Variants in FAM227A observed in about 807,000 individuals in gnomAD.
The protein encoded by FAM227A is protein FAM227A.
Under a neutral mutation model 74.7 loss-of-function variants are expected in FAM227A, and 80 were observed. The observed-to-expected ratio is 1.07, with a 90% confidence interval of 0.89 to 1.29. The LOEUF is 1.29. Ranked by LOEUF, FAM227A falls within the 50% of genes most tolerant of loss-of-function variation. The pLI, the probability that FAM227A is intolerant of heterozygous loss-of-function variation, is 0.00. For synonymous variants in FAM227A, 237 were observed against 241.8 expected, an observed-to-expected ratio of 0.98 and a Z score of 0.19; for missense variants, 654 against 683.4, an observed-to-expected ratio of 0.96 and a Z score of 0.48.
At chr22:38,627,385 T>C (rs1693787045) in intron 8 of FAM227A, among the ~76,000 whole-genome samples, 1 of 151,724 alleles carries the variant, frequency 6.6e-6, no homozygotes, top group South Asian at 2.1e-4. Context: ...CTGGCCAACA[T>C]GGTGAAACCC....
chr22:38,619,137 G>T (rs528043878), intron 11 of FAM227A, among the ~76,000 whole-genome samples: 2 of 152,212 alleles, frequency 1.3e-5, no homozygotes, highest in South Asian at 4.1e-4. Context: ...CATACAGAAA[G>T]GGAGTGTGGT....
chr22:38,626,064 G>A, intron 9 of FAM227A, 116 bp downstream of exon 9: 1 of 1,073,448 alleles, frequency 9.3e-7, no homozygotes, highest in South Asian at 1.6e-5. Flanking sequence ...GTTAAGGAGA[G>A]AAAAGAGAGA....
chr22:38,645,713 G>T, intron 2 of FAM227A, 68 bp from the exon 3 acceptor site: 1 of 953,384 alleles, frequency 1.0e-6, no homozygotes, highest in South Asian at 1.5e-5. Context: ...GGGCTTGTCT[G>T]GTGAGAAGGG....
chr22:38,644,187 A>C (rs919229142), intron 3 of FAM227A, among the ~76,000 whole-genome samples: 1 of 152,000 alleles, frequency 6.6e-6, no homozygotes, highest in Non-Finnish European at 1.5e-5. Flanking sequence ...GGAAACTAAA[A>C]AGCATACTAA....
intron 16 of FAM227A, among the ~76,000 whole-genome samples, chr22:38,591,202 T>C: frequency 6.6e-6 from 1 of 152,114 alleles, no homozygotes; most frequent in East Asian, 1.9e-4. Flanking sequence ...CACACACCTG[T>C]GGTCCCAGCT....
chr22:38,608,845 G>A (rs2091348726), intron 11 of FAM227A, among the ~76,000 whole-genome samples: 1 of 144,638 alleles, frequency 6.9e-6, no homozygotes, highest in African/African-American at 2.6e-5. Context: ...ACTCAGGGTG[G>A]AGTACAATGG....
chr22:38,597,259 T>C lies in FAM227A; in HGVS notation c.1477A>G (p.Thr493Ala). 6.4e-7 allele frequency: 1 copy of C among 1,552,220 alleles called. No homozygotes were observed. Among genetic ancestry groups the C allele is most frequent in the East Asian group, 2.4e-5 (1 of 40,920 alleles). The change falls in exon 15 of 17, where the codon ACT (threonine) becomes GCT (alanine). Residue 493 changes from threonine to alanine, a missense_variant. Coordinates refer to ENST00000535113, the MANE Select transcript of FAM227A (RefSeq NM_001013647.2). ...TGCTTGTCAAAATAATTCCATTCAG[T>C]CCAATGATGCTGGTACAACTGATTG... The part of the protein sequence containing the change: ...NLNQLYQHHW[T>A]EWNYFDKHLK...
intron 1 of FAM227A, among the ~76,000 whole-genome samples, chr22:38,654,367 G>A (rs564508629): frequency 6.6e-6 from 1 of 151,634 alleles, no homozygotes; most frequent in Non-Finnish European, 1.5e-5. Context: ...GAAAAAATGG[G>A]GAGCGGAAAT....
At chr22:38,626,405 T>C in intron 8 of FAM227A, 102 bp from the exon 9 acceptor site, 1 of 1,361,498 alleles carries the variant, frequency 7.3e-7, no homozygotes, top group Non-Finnish European at 9.8e-7. Context: ...ATAGTTTTTG[T>C]TGTTGTTGTT....
At chr22:38,615,215 G>A (rs1220046749) in intron 11 of FAM227A, among the ~76,000 whole-genome samples, 8 of 152,200 alleles carry the variant, frequency 5.3e-5, no homozygotes, top group African/African-American at 1.9e-4. Context: ...TAGAGATGGG[G>A]TTTCACCATG....
chr22:38,644,460 C>T (rs1177768022), intron 3 of FAM227A, among the ~76,000 whole-genome samples: 1 of 144,816 alleles, frequency 6.9e-6, no homozygotes, highest in Admixed American at 7.0e-5. Context: ...TGCTGTGTGA[C>T]ACTACAATGG....
chr22:38,638,037 A>C (rs985067736), intron 5 of FAM227A, among the ~76,000 whole-genome samples: 25 of 152,126 alleles, frequency 1.6e-4, no homozygotes. Flanking sequence ...GTGGTGGTGC[A>C]TGTCTTAATC....
chr22:38,591,272 T>A (rs2090927851), intron 16 of FAM227A, 163 bp downstream of exon 16: 1 of 1,309,946 alleles, frequency 7.6e-7, no homozygotes, highest in African/African-American at 1.5e-5. Flanking sequence ...TGCAGTGAGC[T>A]ATGATGGCAC....
At chr22:38,616,615 A>G (rs1386656119) in intron 11 of FAM227A, among the ~76,000 whole-genome samples, 1 of 151,906 alleles carries the variant, frequency 6.6e-6, no homozygotes, top group Non-Finnish European at 1.5e-5. Flanking sequence ...GCAGTGAGCC[A>G]AGATCATGCC....
At chr22:38,647,910 C>T (rs771817761) in intron 2 of FAM227A, among the ~76,000 whole-genome samples, 3 of 152,138 alleles carry the variant, frequency 2.0e-5, no homozygotes, top group Non-Finnish European at 4.4e-5. Context: ...TAGAAAGCAG[C>T]CCTGCAAAGT....
chr22:38,626,491 T>C (rs1169297635), intron 8 of FAM227A, among the ~76,000 whole-genome samples, 188 bp from the exon 9 acceptor site: 1 of 151,988 alleles, frequency 6.6e-6, no homozygotes. Context: ...CTAATCCACT[T>C]GCCTCAGCCT....
rs1254350528 is a variant in FAM227A, at chr22:38,584,305, G to C, written c.*1820C>G. ...GCAAATACCTAATCATCCCCCCCAA[G>C]TCCGTTTCTTCCTAGGAGAAAATGG... On this transcript the variant is annotated 3_prime_UTR_variant, in exon 17 of 17. Transcript: ENST00000535113. 6.6e-6 allele frequency: 1 copy of C among 152,038 alleles called. No homozygotes were observed. Among genetic ancestry groups the C allele is most frequent in the East Asian group, 1.9e-4 (1 of 5,200 alleles). The allele number at this position is 152,038 out of a possible 1,614,324, so 9.4% of individuals were successfully genotyped here. A position where few individuals can be genotyped will look rare whatever the true frequency, so the allele number is the denominator to read the frequency against.
intron 9 of FAM227A, among the ~76,000 whole-genome samples, chr22:38,625,021 C>G (rs2091766712): frequency 2.6e-5 from 4 of 151,982 alleles, no homozygotes. Context: ...AGGAACCTTC[C>G]TATAAATGGT....
Position 38,579,841 on chromosome 22 carries a change from T to C in FAM227A, c.*6284A>G, listed in dbSNP as rs994925131. 1 of 152,206 alleles carries C rather than the reference T, an allele frequency of 6.6e-6. No individual in the cohort carries two copies. The highest frequency in any genetic ancestry group is 1.5e-5 in the Non-Finnish European group (1 of 68,034). 9.4% of individuals were successfully genotyped at this position (152,206 alleles called of 1,614,324 possible). A position where few individuals can be genotyped will look rare whatever the true frequency, so the allele number is the denominator to read the frequency against. ...ATATATAAAATATTTAAGATTCAGA[T>C]ATCCATTTGTCTCATAAATGCCACA... On this transcript the variant is annotated 3_prime_UTR_variant, in exon 17 of 17. Transcript: ENST00000535113.
Sources: gnomAD v4.1 joint callset for allele counts (sites outside exome capture counted in the v4.1 genomes callset) on GRCh38, gnomAD v4.1.1 for gene constraint, MANE v1.5 for transcripts, NCBI Gene and HGNC (gene_info 2026-07-23, HGNC 2026-07-21) for gene names.